The following TRIM61 variants were observed in gnomAD, a reference collection of about 807,000 sequenced individuals.
TRIM61 encodes the protein putative tripartite motif-containing protein 61.
Under a neutral mutation model 14.2 loss-of-function variants are expected in TRIM61, and 1 was observed. The observed-to-expected ratio is 0.07, with a 90% CI of 0.03 to 0.33. TRIM61 has a LOEUF of 0.33. TRIM61 is among the 10% of genes least tolerant of loss of function. The probability of loss-of-function intolerance (pLI) is 0.99; values close to 1 mark genes in which losing one functional copy is unlikely to be tolerated. For missense variants in TRIM61, 19 were observed against 202.2 expected, an observed-to-expected ratio of 0.09 and a Z score of 5.49; for synonymous variants, 8 against 71.6, an observed-to-expected ratio of 0.11 and a Z score of 4.49.
chr4:164,969,080 A>G, intron 3 of TRIM61: 3 of 1,081,862 alleles, frequency 2.8e-6, no homozygotes, highest in Non-Finnish European at 3.4e-6. Context: ...TGAGACTATA[A>G]GTTTACGATG....
At chr4:164,974,161 C>T (rs112470483) in intron 2 of TRIM61, among the ~76,000 whole-genome samples, 1 of 152,152 alleles carries the variant, frequency 6.6e-6, no homozygotes, top group African/African-American at 2.4e-5. Flanking sequence ...CAGAGCAAGG[C>T]TCTGTCTCAA....
At chr4:164,965,185 G>T (rs1218940906) in intron 3 of TRIM61, among the ~76,000 whole-genome samples, 20 of 152,106 alleles carry the variant, frequency 1.3e-4, no homozygotes, top group Admixed American at 1.3e-3. Context: ...CTATTCCAGA[G>T]GCTAAGGCGT....
chr4:164,968,503 CTG>C (rs1732289964), intron 3 of TRIM61: 3 of 985,590 alleles, frequency 3.0e-6, no homozygotes, highest in Non-Finnish European at 3.6e-6. Flanking sequence ...ATGGGAAAAA[CTG>C]GACAAAATAC....
rs145695509 is a variant in TRIM61, at chr4:164,972,924, G to A, written c.-337-2585C>T. Among the ~76,000 whole-genome samples the A allele has an allele frequency of 3.0e-4, 46 of 152,142 alleles. No homozygotes were observed. In the East Asian group the frequency reaches 8.1e-3, roughly 27 times the overall value. On this transcript the variant is annotated intron_variant, in intron 2 of 4. Coordinates refer to ENST00000329314, the MANE Select transcript of TRIM61 (RefSeq NM_001012414.3). Reference sequence around the variant, plus strand: ...GGACAAAGTTTTTCACCCTTAGCTCGCCATTCAGAACCCTTCGTATTTCAT... The same window carrying A: ...GGACAAAGTTTTTCACCCTTAGCTCACCATTCAGAACCCTTCGTATTTCAT...
In TRIM61 at chr4:164,967,758, G is replaced by T. The variant is rs141823334; in HGVS notation, c.525+1720C>A. 3.9e-4 allele frequency among the ~76,000 whole-genome samples: 60 copies of T among 152,118 alleles called. 1 individual carries two copies. The East Asian group carries it at 0.011, about 27-fold the overall frequency. On this transcript the variant is annotated intron_variant, in intron 3 of 4. Transcript: ENST00000329314. ...TTCATGCCTGTAACCCCAGTGCTTT[G>T]GGAGGCTAAGGCAGGAGAATTGCTT...
intron 3 of TRIM61, chr4:164,968,022 C>T (rs921348731): frequency 1.8e-5 from 5 of 271,828 alleles, no homozygotes; most frequent in African/African-American, 1.1e-4. Flanking sequence ...TGTGGTGGTA[C>T]ACACCTGTAA....
At chr4:164,956,409 ATAG>A (rs201054716) in intron 3 of TRIM61, among the ~76,000 whole-genome samples, 2,757 of 152,312 alleles carry the variant, frequency 0.018, 43 homozygotes, top group Non-Finnish European at 0.026. Context: ...TACATCCATA[ATAG>A]TAGAGAGAAC....
rs200797852 is a variant in TRIM61, at chr4:164,955,099, CAAAA to C, written c.526-7_526-4del. 3.3e-4 allele frequency: 28 copies of C among 86,074 alleles called. No homozygotes were observed. Among genetic ancestry groups the C allele is most frequent in the South Asian group, 1.9e-3 (6 of 3,096 alleles). The allele number at this position is 86,074 out of a possible 1,614,324, so 5.3% of individuals were successfully genotyped here. A position where few individuals can be genotyped will look rare whatever the true frequency, so the allele number is the denominator to read the frequency against. ...CTGGTGACAGAAGGAGACTCCATCT[CAAAA>C]AAAAAAAAAAAAAAAATTATTATGG... On this transcript the variant is annotated splice_polypyrimidine_tract_variant and splice_region_variant and intron_variant, in intron 3 of 4. Coordinates refer to ENST00000329314, the MANE Select transcript of TRIM61 (RefSeq NM_001012414.3).
chr4:164,957,678 C>T (rs1361776118), intron 3 of TRIM61: 4 of 739,300 alleles, frequency 5.4e-6, no homozygotes, highest in African/African-American at 3.5e-5. Flanking sequence ...GCACTTTGTG[C>T]TTTATTCGGA....
intron 3 of TRIM61, chr4:164,957,698 A>G (rs1579141174): frequency 3.1e-6 from 2 of 653,302 alleles, no homozygotes; most frequent in Non-Finnish European, 5.0e-6. Context: ...AAAATGAATA[A>G]GATGCAGTTC....
chr4:164,975,489 A>C (rs1042368240), intron 2 of TRIM61, among the ~76,000 whole-genome samples: 1 of 152,192 alleles, frequency 6.6e-6, no homozygotes, highest in African/African-American at 2.4e-5. Context: ...AGATGTTGTT[A>C]ATTTGTAGCT....
intron 3 of TRIM61, 125 bp downstream of exon 3, chr4:164,968,156 A>AGG: frequency 1.0e-6 from 1 of 985,046 alleles, no homozygotes; most frequent in Non-Finnish European, 1.2e-6. Flanking sequence ...AGGGGAGGGG[A>AGG]GAAGAGGAAA....
chr4:164,969,110 A>G lies in TRIM61; in HGVS notation c.525+368T>C. 3.6e-6 allele frequency: 4 copies of G among 1,111,156 alleles called. No homozygotes were observed. The South Asian group carries it at 9.7e-5, about 27-fold the overall frequency. 68.8% of individuals were successfully genotyped at this position (1,111,156 alleles called of 1,614,324 possible). A position where few individuals can be genotyped will look rare whatever the true frequency, so the allele number is the denominator to read the frequency against. The stretch of plus-strand genomic sequence containing the variant: ...ACGATGTGCTGTTTCAGGATCTAGA[A>G]TTACATCTACTTGAAATCGCTTGAT... On this transcript the variant is annotated intron_variant, in intron 3 of 4. Coordinates refer to ENST00000329314, the MANE Select transcript of TRIM61 (RefSeq NM_001012414.3).
chr4:164,969,300 T>G, intron 3 of TRIM61: 2 of 1,472,244 alleles, frequency 1.4e-6, no homozygotes, highest in Middle Eastern at 2.6e-4. Context: ...TCTATCTCCT[T>G]TAGTAGATAT....
At chr4:164,975,348 AG>A (rs1732458642) in intron 2 of TRIM61, among the ~76,000 whole-genome samples, 2 of 152,198 alleles carry the variant, frequency 1.3e-5, no homozygotes, top group African/African-American at 4.8e-5. Context: ...TATACAAAAA[AG>A]GACTCTAGCA....
chr4:164,957,208 T>C, intron 3 of TRIM61: 1 of 1,613,970 alleles, frequency 6.2e-7, no homozygotes, highest in Non-Finnish European at 8.5e-7. Context: ...TGCTCAGACA[T>C]CCAGGGACGA....
At chr4:164,972,858 T>C (rs1732399260) in intron 2 of TRIM61, among the ~76,000 whole-genome samples, 1 of 152,194 alleles carries the variant, frequency 6.6e-6, no homozygotes, top group South Asian at 2.1e-4. Context: ...TTAAATGTTG[T>C]TTCCCCTCAT....
Position 164,955,098 on chromosome 4 carries a change from TCA to T in TRIM61, c.526-4_526-3del. On this transcript the variant is annotated splice_polypyrimidine_tract_variant and splice_region_variant and intron_variant, in intron 3 of 4. Transcript: ENST00000329314. ...CCTGGTGACAGAAGGAGACTCCATC[TCA>T]AAAAAAAAAAAAAAAAAAATTATTA... 4 of 89,212 alleles carry T rather than the reference TCA, an allele frequency of 4.5e-5. No individual in the cohort carries two copies. Among genetic ancestry groups the T allele is most frequent in the Non-Finnish European group, 6.6e-5 (3 of 45,296 alleles). 5.5% of individuals were successfully genotyped at this position (89,212 alleles called of 1,614,324 possible). A position where few individuals can be genotyped will look rare whatever the true frequency, so the allele number is the denominator to read the frequency against.
chr4:164,974,512 C>T (rs1732439750), intron 2 of TRIM61, among the ~76,000 whole-genome samples: 1 of 152,036 alleles, frequency 6.6e-6, no homozygotes, highest in Admixed American at 6.6e-5. Flanking sequence ...GAACCAATGC[C>T]CTGTGTATAT....
Sources: allele counts gnomAD v4.1 joint callset (sites outside exome capture counted in the v4.1 genomes callset), GRCh38; gene constraint gnomAD v4.1.1; transcripts MANE v1.5; gene names NCBI Gene and HGNC (gene_info 2026-07-23, HGNC 2026-07-21).